The following SIL1 variants were observed in gnomAD, a reference collection of about 807,000 sequenced individuals.
The protein encoded by SIL1 is nucleotide exchange factor SIL1.
In SIL1, 40 loss-of-function variants were observed where a neutral mutation model predicts 49.1. That is an observed-to-expected ratio of 0.81 (90% CI 0.63 to 1.06). The LOEUF is 1.06. Ranked by LOEUF, SIL1 falls within the 50% of genes least tolerant of loss-of-function variation. The probability of loss-of-function intolerance (pLI) is 0.00; values close to 1 mark genes in which losing one functional copy is unlikely to be tolerated. For missense variants in SIL1, 500 were observed against 572.6 expected (o/e 0.87, Z 1.29); for synonymous variants, 253 against 250.8 (o/e 1.01, Z -0.08).
At chr5:139,136,985 C>A (rs781345657) in intron 1 of SIL1, among the ~76,000 whole-genome samples, 2 of 152,130 alleles carry the variant, frequency 1.3e-5, no homozygotes, top group Non-Finnish European at 2.9e-5. Flanking sequence ...AAGAAACTCC[C>A]ATCAGACACA....
intron 1 of SIL1, among the ~76,000 whole-genome samples, chr5:139,166,759 C>G (rs1751632065): frequency 6.6e-6 from 1 of 152,086 alleles, no homozygotes; most frequent in South Asian, 2.1e-4. Flanking sequence ...ATTTTCCCAC[C>G]TCATCCTCCT....
At chr5:139,192,331 A>G (rs1279255731) in intron 1 of SIL1, among the ~76,000 whole-genome samples, 1 of 152,188 alleles carries the variant, frequency 6.6e-6, no homozygotes, top group Non-Finnish European at 1.5e-5. Flanking sequence ...CACAAGACTG[A>G]AGAAGCAAAC....
chr5:139,086,020 T>C (rs1004277900), intron 3 of SIL1, among the ~76,000 whole-genome samples: 21 of 151,548 alleles, frequency 1.4e-4, no homozygotes, highest in African/African-American at 4.6e-4. Flanking sequence ...CCCAACACTT[T>C]GGGAGGCCAA....
In SIL1 at chr5:139,120,964, C is replaced by T. The variant is rs148309019; in HGVS notation, c.244+71G>A. ...AGAAGAGCAGCCTGAAGGAGCAGCC[C>T]TCTGGGGACAAAGGACATATGCAGT... On this transcript the variant is annotated intron_variant, in intron 3 of 9. Coordinates refer to ENST00000394817, the MANE Select transcript of SIL1 (RefSeq NM_022464.5). 1,206 of 1,595,214 alleles carry T rather than the reference C, an allele frequency of 7.6e-4. 14 individuals carry two copies. In the East Asian group the frequency reaches 0.025, roughly 33 times the overall value.
intron 1 of SIL1, among the ~76,000 whole-genome samples, chr5:139,128,480 A>G (rs1750798416): frequency 6.6e-6 from 1 of 151,982 alleles, no homozygotes; most frequent in Non-Finnish European, 1.5e-5. Flanking sequence ...TCTCCACAAA[A>G]AATTAAAAAA....
chr5:139,167,036 T>C lies in SIL1; in HGVS notation c.-11+31233A>G, dbSNP rs1183541516. Among the ~76,000 whole-genome samples the C allele has an allele frequency of 3.3e-5, 5 of 152,136 alleles. No individual in the cohort carries two copies. The East Asian group carries it at 9.6e-4, about 29-fold the overall frequency. Reference sequence around the variant, plus strand: ...ACCGTGTTAGCCAGGATGGTCTCGATCTCCTGACCTTGTGATCCACCCGCC... The same window carrying C: ...ACCGTGTTAGCCAGGATGGTCTCGACCTCCTGACCTTGTGATCCACCCGCC... On this transcript the variant is annotated intron_variant, in intron 1 of 9. Transcript: ENST00000394817.
chr5:139,101,609 G>A (rs1770589591), intron 3 of SIL1, among the ~76,000 whole-genome samples: 2 of 152,170 alleles, frequency 1.3e-5, no homozygotes, highest in African/African-American at 4.8e-5. Context: ...CATAGCAAGT[G>A]CTCAATAAAT....
In SIL1 at chr5:138,951,212, C is replaced by T. The variant is rs753072490; in HGVS notation, c.988G>A (p.Val330Met). The T allele has an allele frequency of 1.1e-5, 17 of 1,609,786 alleles. No individual in the cohort carries two copies. The highest frequency in any genetic ancestry group is 3.3e-4 in the Middle Eastern group (2 of 6,060). ...TCGTAGAGCAGTGTGACCACGCGCACGGCGAGCACCTCCGTGCCCTTCTCC... is the reference window on the plus strand; with the variant it reads ...TCGTAGAGCAGTGTGACCACGCGCATGGCGAGCACCTCCGTGCCCTTCTCC... Reference protein sequence around the residue: ...VQEKGTEVLAVRVVTLLYDLV... With the variant: ...VQEKGTEVLAMRVVTLLYDLV... Residue 330 changes from valine to methionine, a missense_variant, in exon 9 of 10, where the codon GTG (valine) becomes ATG (methionine). Physicochemically the swap from Val to Met is conservative, Grantham distance 21. Transcript: ENST00000394817.
At chr5:139,046,472 TCTC>T (rs958366134) in intron 4 of SIL1, among the ~76,000 whole-genome samples, 2 of 152,180 alleles carry the variant, frequency 1.3e-5, no homozygotes, top group African/African-American at 4.8e-5. Flanking sequence ...CCTTCTCTCT[TCTC>T]CTATAGTCAC....
At chr5:139,113,520 T>C (rs1485364780) in intron 3 of SIL1, among the ~76,000 whole-genome samples, 1 of 151,984 alleles carries the variant, frequency 6.6e-6, no homozygotes, top group Non-Finnish European at 1.5e-5. Context: ...TCTGTTCATA[T>C]TATCCCCACC....
intron 3 of SIL1, among the ~76,000 whole-genome samples, chr5:139,060,004 T>C (rs552523157): frequency 2.4e-4 from 36 of 152,368 alleles, no homozygotes; most frequent in South Asian, 2.1e-3. Context: ...CAGTTCTGTT[T>C]TTAGCTTTAC....
intron 7 of SIL1, among the ~76,000 whole-genome samples, chr5:138,956,021 G>A (rs1186395153): frequency 1.3e-5 from 2 of 152,256 alleles, no homozygotes; most frequent in African/African-American, 4.8e-5. Flanking sequence ...GAGAGCTTCT[G>A]TGATTGAGAC....
At chr5:139,174,937 CAAAAAAAAA>C (rs56959325) in intron 1 of SIL1, among the ~76,000 whole-genome samples, 1 of 59,850 alleles carries the variant, frequency 1.7e-5, no homozygotes, top group African/African-American at 8.0e-5. Context: ...GACTGTGTCT[CAAAAAAAAA>C]AAAAAAAAAA....
At chr5:139,038,110 A>G (rs1768958879) in intron 5 of SIL1, among the ~76,000 whole-genome samples, 1 of 152,122 alleles carries the variant, frequency 6.6e-6, no homozygotes, top group Non-Finnish European at 1.5e-5. Flanking sequence ...CCTAAATCTA[A>G]TTACCTTCCA....
intron 1 of SIL1, chr5:139,137,239 A>C (rs1461600790): frequency 1.5e-6 from 1 of 687,664 alleles, no homozygotes; most frequent in Non-Finnish European, 2.6e-6. Flanking sequence ...GTATTAGTTC[A>C]TTTACTCTTC....
intron 7 of SIL1, among the ~76,000 whole-genome samples, chr5:138,968,068 G>A (rs1477994922): frequency 6.6e-6 from 1 of 152,116 alleles, no homozygotes; most frequent in East Asian, 1.9e-4. Context: ...GCTATAACGA[G>A]CTCCAAACTG....
intron 7 of SIL1, among the ~76,000 whole-genome samples, chr5:138,997,449 G>C (rs1232764189): frequency 6.6e-6 from 1 of 152,220 alleles, no homozygotes; most frequent in African/African-American, 2.4e-5. Flanking sequence ...CCGTAAATGT[G>C]TGGATTTACA....
At chr5:138,964,619 A>C (rs1215964854) in intron 7 of SIL1, among the ~76,000 whole-genome samples, 1 of 152,210 alleles carries the variant, frequency 6.6e-6, no homozygotes, top group African/African-American at 2.4e-5. Context: ...ATACCAAAGA[A>C]AAAGTTACAC....
At chr5:139,053,427 C>T (rs533945380) in intron 3 of SIL1, among the ~76,000 whole-genome samples, 23 of 152,330 alleles carry the variant, frequency 1.5e-4, no homozygotes, top group Admixed American at 9.1e-4. Context: ...CTGGCCTCCC[C>T]GATTCACCTC....
Sources: allele counts gnomAD v4.1 joint callset (sites outside exome capture counted in the v4.1 genomes callset), GRCh38; gene constraint gnomAD v4.1.1; transcripts MANE v1.5; gene names NCBI Gene and HGNC (gene_info 2026-07-23, HGNC 2026-07-21).